The following ATP6V0A4 variants were observed in gnomAD, a reference collection of about 807,000 sequenced individuals.
The protein encoded by ATP6V0A4 is ATPase H+ transporting V0 subunit a4.
In ATP6V0A4, 86 loss-of-function variants were observed where a neutral mutation model predicts 107.3. That is an observed-to-expected ratio of 0.80 (90% CI 0.67 to 0.96). The LOEUF (loss-of-function observed/expected upper bound fraction) is 0.96. Among genes scored for constraint, ATP6V0A4 ranks in the 40% least tolerant of loss-of-function variants. The pLI is 0.00. For missense variants in ATP6V0A4, 908 were observed against 1,045.6 expected, an observed-to-expected ratio of 0.87 and a Z score of 1.81; for synonymous variants, 353 against 381.4, an observed-to-expected ratio of 0.93 and a Z score of 0.87.
chr7:138,727,493 C>T (rs1461115513), intron 18 of ATP6V0A4, among the ~76,000 whole-genome samples: 6 of 152,096 alleles, frequency 3.9e-5, no homozygotes, highest in South Asian at 2.1e-4. Flanking sequence ...ATATAGATTA[C>T]GTTTCAGCTA....
intron 1 of ATP6V0A4, among the ~76,000 whole-genome samples, chr7:138,788,513 C>G (rs544884485): frequency 2.6e-5 from 4 of 152,260 alleles, no homozygotes; most frequent in African/African-American, 9.6e-5. Context: ...GAAACCAATC[C>G]CTTGAGGCAT....
intron 2 of ATP6V0A4, among the ~76,000 whole-genome samples, chr7:138,781,395 A>G (rs1807913525): frequency 6.6e-6 from 1 of 151,604 alleles, no homozygotes; most frequent in African/African-American, 2.4e-5. Flanking sequence ...CAGTGGTGCA[A>G]TCTTGGCTCG....
At position 138,747,335 on chromosome 7, in the gene ATP6V0A4, A is replaced by G. The variant is rs543354482; in HGVS notation, c.1320+90T>C. ...ACTTTCCTTCTCTCCTTTATTTTTC[A>G]TAAAAATGTGTTATTTCTATGGTGA... On this transcript the variant is annotated intron_variant, in intron 13 of 21. Coordinates refer to ENST00000310018, the MANE Select transcript of ATP6V0A4 (RefSeq NM_020632.3). 2.0e-6 allele frequency: 3 copies of G among 1,507,902 alleles called. No individual in the cohort carries two copies. In the African/African-American group the frequency reaches 4.1e-5, roughly 21 times the overall value. The allele number at this position is 1,507,902 out of a possible 1,614,324, so 93.4% of individuals were successfully genotyped here.
chr7:138,746,604 A>G (rs1001465325), intron 13 of ATP6V0A4, among the ~76,000 whole-genome samples: 2 of 152,080 alleles, frequency 1.3e-5, no homozygotes, highest in East Asian at 3.9e-4. Context: ...CCCGGGTTCA[A>G]GTAATTCTCC....
rs1807495360 is a variant in ATP6V0A4, at chr7:138,773,428, TC to T, written c.-17-2165del. On this transcript the variant is annotated intron_variant, in intron 2 of 21. Coordinates refer to ENST00000310018, the MANE Select transcript of ATP6V0A4 (RefSeq NM_020632.3). This position sits in a 1 kb window ranked among gnomAD's most constrained non-coding sequence, Gnocchi z 5.4. ...ACAAGCCTTCCCTGACACCTCCAGC[TC>T]CCTCAAGGAGCTAAGCCCCCTCCTA... 6.6e-6 allele frequency among the ~76,000 whole-genome samples: 1 copy of T among 152,072 alleles called. No homozygotes were observed. The highest frequency in any genetic ancestry group is 1.5e-5 in the Non-Finnish European group (1 of 68,008).
intron 7 of ATP6V0A4, among the ~76,000 whole-genome samples, chr7:138,761,643 AAT>A (rs199922215): frequency 2.0e-4 from 29 of 145,218 alleles, no homozygotes; most frequent in African/African-American, 2.9e-4. Context: ...AAAAAAAAAA[AAT>A]TCAAACTCCA....
At chr7:138,778,495 T>C (rs1807773653) in intron 2 of ATP6V0A4, among the ~76,000 whole-genome samples, 2 of 152,158 alleles carry the variant, frequency 1.3e-5, no homozygotes, top group South Asian at 4.1e-4. Context: ...AAAACACTTC[T>C]GGTCTGAGCA....
In ATP6V0A4 at chr7:138,769,163, A is replaced by T. The variant is rs77128631; in HGVS notation, c.196+10T>A. ...GAACAGTAAGAAAAAAAAAAAAAAA[A>T]TTGGCTTACGGAGGATTCTCTCCAG... On this transcript the variant is annotated intron_variant, in intron 4 of 21. Coordinates refer to ENST00000310018, the MANE Select transcript of ATP6V0A4 (RefSeq NM_020632.3). 8.6e-6 allele frequency: 13 copies of T among 1,504,912 alleles called. No homozygotes were observed. Among genetic ancestry groups the T allele is most frequent in the South Asian group, 4.6e-5 (4 of 86,760 alleles). 93.2% of individuals were successfully genotyped at this position (1,504,912 alleles called of 1,614,324 possible). A position where few individuals can be genotyped will look rare whatever the true frequency, so the allele number is the denominator to read the frequency against.
chr7:138,720,732 G>A (rs1486626143), intron 19 of ATP6V0A4, among the ~76,000 whole-genome samples: 2 of 151,592 alleles, frequency 1.3e-5, no homozygotes, highest in African/African-American at 4.8e-5. Context: ...TGCCTCCCAG[G>A]TTCAAGTGAT....
rs750831126 is a variant in ATP6V0A4, at chr7:138,756,460, A to G, written c.720T>C (p.Asp240=). 6.2e-7 allele frequency: 1 copy of G among 1,613,368 alleles called. No homozygotes were observed. The highest frequency in any genetic ancestry group is 8.5e-7 in the Non-Finnish European group (1 of 1,179,806). ...AAGAGCCATTCACTCCCTCTTACCCATCACAGATCTTCTTGATTTTCTGCC... is the reference window on the plus strand; with the variant it reads ...AAGAGCCATTCACTCCCTCTTACCCGTCACAGATCTTCTTGATTTTCTGCC... The part of the protein sequence containing the change: ...QLRQKIKKIC[D]GFRATVYPCP... Residue 240 remains aspartate, a splice_region_variant and synonymous_variant, in exon 9 of 22, where the codon GAT becomes GAC. Transcript: ENST00000310018.
At chr7:138,739,732 T>C (rs1409160976) in intron 14 of ATP6V0A4, 99 bp from the exon 15 acceptor site, 1 of 1,549,934 alleles carries the variant, frequency 6.5e-7, no homozygotes, top group Non-Finnish European at 8.7e-7. Flanking sequence ...AAAGTCCAAC[T>C]ACTGGTGCAA....
intron 1 of ATP6V0A4, among the ~76,000 whole-genome samples, chr7:138,793,938 C>G (rs1191225879): frequency 1.3e-5 from 2 of 152,182 alleles, no homozygotes; most frequent in Non-Finnish European, 2.9e-5. Flanking sequence ...AAATGGTGGA[C>G]TCCAGGACTT....
intron 1 of ATP6V0A4, among the ~76,000 whole-genome samples, chr7:138,796,383 A>C (rs1808662838): frequency 6.6e-6 from 1 of 152,148 alleles, no homozygotes. Context: ...CTTAGAGCCA[A>C]TTAGAAAAAA....
chr7:138,784,281 CATATAT>C (rs57155792), intron 2 of ATP6V0A4, among the ~76,000 whole-genome samples: 6,344 of 114,410 alleles, frequency 0.055, 364 homozygotes, highest in African/African-American at 0.13. Context: ...TATATATATA[CATATAT>C]ATACACACAC....
chr7:138,706,664 A>G lies in ATP6V0A4; in HGVS notation c.2483T>C (p.Phe828Ser). ...YVGDGYKFSP[F>S]SFKHILDGTA... Reference sequence around the variant, plus strand: ...GCCATCCAGGATGTGTTTAAAGGAGAATGGAGAAAACTTGTAACCATCCCC... The same window carrying G: ...GCCATCCAGGATGTGTTTAAAGGAGGATGGAGAAAACTTGTAACCATCCCC... Residue 828 changes from phenylalanine to serine, a missense_variant, in exon 22 of 22, where the codon TTC becomes TCC. Physicochemically the swap from Phe to Ser is radical, Grantham distance 155. Coordinates refer to ENST00000310018, the MANE Select transcript of ATP6V0A4 (RefSeq NM_020632.3). 4 of 1,613,834 alleles carry G rather than the reference A, an allele frequency of 2.5e-6. No homozygotes were observed. The highest frequency in any genetic ancestry group is 3.4e-6 in the Non-Finnish European group (4 of 1,179,938).
At chr7:138,716,912 C>A (rs3778696) in intron 19 of ATP6V0A4, among the ~76,000 whole-genome samples, 51,465 of 151,880 alleles carry the variant, frequency 0.34, 8,938 homozygotes, top group East Asian at 0.37. Flanking sequence ...TTGCTCACAG[C>A]CTAGTCAGGA....
intron 14 of ATP6V0A4, among the ~76,000 whole-genome samples, chr7:138,741,027 C>A (rs1476247374): frequency 6.6e-6 from 1 of 151,882 alleles, no homozygotes; most frequent in Non-Finnish European, 1.5e-5. Context: ...GACTGTAATC[C>A]CAGCTACTCA....
intron 5 of ATP6V0A4, among the ~76,000 whole-genome samples, chr7:138,765,508 TCCC>T (rs1563010080): frequency 6.6e-6 from 1 of 152,002 alleles, no homozygotes; most frequent in Non-Finnish European, 1.5e-5. Flanking sequence ...GTTTTTTCCC[TCCC>T]CCCTGAATTA....
chr7:138,797,211 T>TC (rs201647280), intron 1 of ATP6V0A4, among the ~76,000 whole-genome samples: 2 of 138,260 alleles, frequency 1.4e-5, no homozygotes, highest in African/African-American at 6.1e-5. Context: ...CCATTTTCTT[T>TC]TTTTTTTTTT....
Sources: gnomAD v4.1 joint callset for allele counts (sites outside exome capture counted in the v4.1 genomes callset) on GRCh38, gnomAD v4.1.1 for gene constraint, Gnocchi (gnomAD v3.1) non-coding constraint, MANE v1.5 for transcripts, NCBI Gene and HGNC (gene_info 2026-07-23, HGNC 2026-07-21) for gene names.